The following NAALADL2 variants were observed in gnomAD, a reference collection of about 807,000 sequenced individuals.
The protein encoded by NAALADL2 is N-acetylated alpha-linked acidic dipeptidase like 2.
NAALADL2 carries 76 observed loss-of-function variants against 87.2 expected under a neutral mutation model. That is an observed-to-expected ratio of 0.87 (90% CI 0.72 to 1.05). NAALADL2 has a LOEUF of 1.05. NAALADL2 is among the 50% of genes least tolerant of loss of function. The pLI, the probability that NAALADL2 is intolerant of heterozygous loss-of-function variation, is 0.00. For synonymous variants in NAALADL2, 354 were observed against 331.0 expected (o/e 1.07, Z -0.75); for missense variants, 1,089 against 945.8 (o/e 1.15, Z -1.99).
At chr3:175,079,844 G>A (rs907285441) in intron 1 of NAALADL2, among the ~76,000 whole-genome samples, 1 of 152,134 alleles carries the variant, frequency 6.6e-6, no homozygotes, top group South Asian at 2.1e-4. Context: ...AGTTATTCAT[G>A]TAAATCATTC....
chr3:175,234,521 C>G (rs894150513), intron 3 of NAALADL2, among the ~76,000 whole-genome samples: 2 of 152,068 alleles, frequency 1.3e-5, no homozygotes, highest in African/African-American at 4.8e-5. Context: ...ATTTAATACA[C>G]TGATATAGAG....
rs998889286 is a variant in NAALADL2 at position 175,718,591 on chromosome 3, T to A, written c.1897-18715T>A. 24 of 1,594,112 alleles carry A rather than the reference T, an allele frequency of 1.5e-5. 1 individual carries two copies. Among genetic ancestry groups the A allele is most frequent in the Middle Eastern group, 3.3e-4 (2 of 6,022 alleles). The stretch of plus-strand genomic sequence containing the variant: ...AGCTAACTGTGCCATCTCCTACTCC[T>A]TTCTGGCCTTCTTCGAGTTTTTCCA... On this transcript the variant is annotated intron_variant, in intron 11 of 13. Coordinates refer to ENST00000454872, the MANE Select transcript of NAALADL2 (RefSeq NM_207015.3).
At chr3:175,423,051 A>ATATATTTTTTT (rs1458599872) in intron 5 of NAALADL2, among the ~76,000 whole-genome samples, 1 of 91,510 alleles carries the variant, frequency 1.1e-5, no homozygotes, top group Non-Finnish European at 2.0e-5. Context: ...ATATATATAT[A>ATATATTTTTTT]TTTTTTTTTT....
intron 3 of NAALADL2, among the ~76,000 whole-genome samples, chr3:174,794,024 C>G (rs1284620341): frequency 6.6e-6 from 1 of 152,022 alleles, no homozygotes; most frequent in Non-Finnish European, 1.5e-5. Context: ...AAAAATCCTT[C>G]CATTACAAGT....
chr3:174,617,663 A>G (rs150065840), intron 2 of NAALADL2, among the ~76,000 whole-genome samples: 6 of 151,842 alleles, frequency 4.0e-5, no homozygotes, highest in African/African-American at 1.4e-4. Context: ...TCTATGATAG[A>G]TAATAATGAA....
chr3:175,719,962 G>T (rs1368479670), intron 11 of NAALADL2, among the ~76,000 whole-genome samples: 1 of 152,134 alleles, frequency 6.6e-6, no homozygotes, highest in Non-Finnish European at 1.5e-5. Flanking sequence ...TCCCAATCAT[G>T]AGAGTTCTGC....
Position 175,450,712 on chromosome 3 carries a change from C to G in NAALADL2, c.1234+3340C>G, listed in dbSNP as rs1721435190. On this transcript the variant is annotated intron_variant, in intron 6 of 13. Coordinates refer to ENST00000454872, the MANE Select transcript of NAALADL2 (RefSeq NM_207015.3). The stretch of plus-strand genomic sequence containing the variant: ...GGCTTGAGTCAACCAGAATCTATTT[C>G]TAGGGATATTGCCAAAGCTACTCAT... Among the ~76,000 whole-genome samples the G allele has an allele frequency of 2.6e-5, 4 of 151,996 alleles. No individual in the cohort carries two copies. In the South Asian group the frequency reaches 8.3e-4, roughly 32 times the overall value.
chr3:174,763,736 G>A (rs779565420), intron 3 of NAALADL2, among the ~76,000 whole-genome samples: 1 of 150,490 alleles, frequency 6.6e-6, no homozygotes. Context: ...TCAAGCTGAT[G>A]AGAGTTGTAG....
chr3:175,046,616 G>T (rs1400431793), intron 1 of NAALADL2, among the ~76,000 whole-genome samples: 1 of 152,090 alleles, frequency 6.6e-6, no homozygotes, highest in African/African-American at 2.4e-5. Flanking sequence ...GTTGCTCTGC[G>T]ACAGCAATAA....
intron 5 of NAALADL2, among the ~76,000 whole-genome samples, chr3:175,405,785 C>T (rs1434806297): frequency 1.3e-5 from 2 of 152,092 alleles, no homozygotes; most frequent in Non-Finnish European, 2.9e-5. Context: ...TTTAATCTGC[C>T]AATAATCCTA....
intron 2 of NAALADL2, among the ~76,000 whole-genome samples, chr3:175,155,465 G>C (rs1732170435): frequency 6.6e-6 from 1 of 152,108 alleles, no homozygotes; most frequent in African/African-American, 2.4e-5. Context: ...AGCAAAACTA[G>C]TTCAGGAAGC....
chr3:174,959,122 G>A (rs535087572), intron 1 of NAALADL2, among the ~76,000 whole-genome samples: 18 of 152,064 alleles, frequency 1.2e-4, no homozygotes, highest in Admixed American at 1.1e-3. Context: ...TTGTTTTATG[G>A]TAGTGTACTT....
chr3:174,976,619 T>G (rs538169949), intron 1 of NAALADL2, among the ~76,000 whole-genome samples: 23 of 152,346 alleles, frequency 1.5e-4, no homozygotes, highest in African/African-American at 5.5e-4. Context: ...TTTGCTGCAC[T>G]CTGCAGGATG....
chr3:175,175,656 G>T (rs1199934884), intron 2 of NAALADL2, among the ~76,000 whole-genome samples: 1 of 152,024 alleles, frequency 6.6e-6, no homozygotes, highest in Admixed American at 6.6e-5. Context: ...AAGTGGCGTA[G>T]CATAATTGAG....
intron 10 of NAALADL2, among the ~76,000 whole-genome samples, chr3:175,623,229 A>G (rs541114567): frequency 6.6e-6 from 1 of 152,256 alleles, no homozygotes; most frequent in South Asian, 2.1e-4. Context: ...ATCCAAATCT[A>G]GAAAACCGAA....
At position 175,289,954 on chromosome 3, in the gene NAALADL2, CAAAT is replaced by C. The variant is rs912671136; in HGVS notation, c.939+33427_939+33430del. 2.2e-4 allele frequency among the ~76,000 whole-genome samples: 33 copies of C among 152,120 alleles called. No individual in the cohort carries two copies. The East Asian group carries it at 5.6e-3, about 26-fold the overall frequency. On this transcript the variant is annotated intron_variant, in intron 4 of 13. Transcript: ENST00000454872. ...TTAAACAAACAAATTATACAGATGACAAATAAGTCTATGAAGGAATACTTAATAT... is the reference window on the plus strand; with the variant it reads ...TTAAACAAACAAATTATACAGATGACAAGTCTATGAAGGAATACTTAATAT...
intron 2 of NAALADL2, among the ~76,000 whole-genome samples, chr3:175,168,466 A>T (rs1734305469): frequency 2.0e-5 from 3 of 151,966 alleles, no homozygotes; most frequent in Non-Finnish European, 4.4e-5. Context: ...CTGGACACTA[A>T]GGTATAATAT....
intron 1 of NAALADL2, among the ~76,000 whole-genome samples, chr3:174,524,924 T>C (rs963336179): frequency 7.2e-5 from 11 of 152,170 alleles, no homozygotes; most frequent in Non-Finnish European, 1.5e-4. Context: ...GCATTACCTT[T>C]TCTGTGTTTA....
Position 175,206,386 on chromosome 3 carries a change from A to G in NAALADL2, c.546-27545A>G, listed in dbSNP as rs146563181. 3.8e-3 allele frequency among the ~76,000 whole-genome samples: 568 copies of G among 150,582 alleles called. 6 individuals are homozygous for G. The highest frequency in any genetic ancestry group is 0.013 in the African/African-American group (544 of 40,836). ...CACGATGGAATACTATTCAGCCATAAAAATGAATGAATTAACAGCATTTGC... is the reference window on the plus strand; with the variant it reads ...CACGATGGAATACTATTCAGCCATAGAAATGAATGAATTAACAGCATTTGC... On this transcript the variant is annotated intron_variant, in intron 2 of 13. Coordinates refer to ENST00000454872, the MANE Select transcript of NAALADL2 (RefSeq NM_207015.3).
Sources: allele counts gnomAD v4.1 joint callset (sites outside exome capture counted in the v4.1 genomes callset), GRCh38; gene constraint gnomAD v4.1.1; transcripts MANE v1.5; gene names NCBI Gene and HGNC (gene_info 2026-07-23, HGNC 2026-07-21).